The following GALNT10 variants were observed in gnomAD, a reference collection of about 807,000 sequenced individuals.
GALNT10 encodes the protein polypeptide N-acetylgalactosaminyltransferase 10, also known as GalNAc transferase 10.
GALNT10 carries 41 observed loss-of-function variants against 75.0 expected under a neutral mutation model. That is an observed-to-expected ratio of 0.55 (90% CI 0.43 to 0.71). The LOEUF (loss-of-function observed/expected upper bound fraction) is 0.71. Ranked by LOEUF, GALNT10 falls within the 30% of genes least tolerant of loss-of-function variation. The pLI, the probability that GALNT10 is intolerant of heterozygous loss-of-function variation, is 0.00. For missense variants in GALNT10, 727 were observed against 818.5 expected, an observed-to-expected ratio of 0.89 and a Z score of 1.36; for synonymous variants, 302 against 313.0, an observed-to-expected ratio of 0.96 and a Z score of 0.37.
At chr5:154,219,836 T>A (rs2351230) in intron 1 of GALNT10, among the ~76,000 whole-genome samples, 43,959 of 131,502 alleles carry the variant, frequency 0.33, 8,661 homozygotes, top group East Asian at 0.79. Context: ...TCTCTCTCTC[T>A]CTCACACACA....
At chr5:154,372,895 A>G (rs944390026) in intron 4 of GALNT10, among the ~76,000 whole-genome samples, 1 of 152,196 alleles carries the variant, frequency 6.6e-6, no homozygotes, top group African/African-American at 2.4e-5. Context: ...CACCTGTGTA[A>G]TGCCTTACAA....
rs1372712536 is a variant in GALNT10 at position 154,416,125 on chromosome 5, T to C, written c.1653+193T>C. 6.6e-6 allele frequency among the ~76,000 whole-genome samples: 1 copy of C among 152,212 alleles called. No individual in the cohort carries two copies. The highest frequency in any genetic ancestry group is 2.1e-4 in the South Asian group (1 of 4,828). ...CTGTGAAATCCTCAAGTCTTAAATG[T>C]TGGCAACTGATTCCATTTAAAAAGA... is the stretch of plus-strand genomic sequence containing the variant. On this transcript the variant is annotated intron_variant, in intron 11 of 11. Coordinates refer to ENST00000297107, the MANE Select transcript of GALNT10 (RefSeq NM_198321.4). This position sits in a 1 kb window ranked among gnomAD's most constrained non-coding sequence, Gnocchi z 4.5.
At chr5:154,238,296 T>TAA (rs35232140) in intron 1 of GALNT10, among the ~76,000 whole-genome samples, 14 of 145,340 alleles carry the variant, frequency 9.6e-5, no homozygotes, top group African/African-American at 3.3e-4. Flanking sequence ...TTTTAAATGT[T>TAA]AAAAAAAAAA....
intron 1 of GALNT10, among the ~76,000 whole-genome samples, chr5:154,263,090 A>C (rs1561644176): frequency 6.6e-6 from 1 of 152,218 alleles, no homozygotes; most frequent in Non-Finnish European, 1.5e-5. Flanking sequence ...CAGTCTGGCA[A>C]TTCCTTAAAA....
Position 154,374,025 on chromosome 5 carries a change from A to C in GALNT10, c.569-2252A>C, listed in dbSNP as rs528442236. ...CTATCAGTTGAACCCAGCCAAGAAGAAGCGGTGGTCACAAACAATGACTAT... is the reference window on the plus strand; with the variant it reads ...CTATCAGTTGAACCCAGCCAAGAAGCAGCGGTGGTCACAAACAATGACTAT... On this transcript the variant is annotated intron_variant, in intron 4 of 11. Coordinates refer to ENST00000297107, the MANE Select transcript of GALNT10 (RefSeq NM_198321.4). Among the ~76,000 whole-genome samples, 12 of 152,278 alleles carry C rather than the reference A, an allele frequency of 7.9e-5. No homozygotes were observed. The East Asian group carries it at 1.9e-3, about 25-fold the overall frequency.
At chr5:154,414,229 A>G (rs1490424131) in intron 10 of GALNT10, among the ~76,000 whole-genome samples, 1 of 152,200 alleles carries the variant, frequency 6.6e-6, no homozygotes, top group Non-Finnish European at 1.5e-5. Context: ...TAGAAAGTTG[A>G]CCATTGAACC....
In GALNT10 at chr5:154,361,802, A is replaced by G. The variant is rs141370074; in HGVS notation, c.569-14475A>G. Reference sequence around the variant, plus strand: ...ATGAGCACCTATTAATATGACTTGTATAATTTCTTAATGCCCCCCAGAGGA... The same window carrying G: ...ATGAGCACCTATTAATATGACTTGTGTAATTTCTTAATGCCCCCCAGAGGA... On this transcript the variant is annotated intron_variant, in intron 4 of 11. Transcript: ENST00000297107. Among the ~76,000 whole-genome samples the G allele has an allele frequency of 6.8e-3, 1,032 of 152,362 alleles. 8 individuals carry two copies. The highest frequency in any genetic ancestry group is 0.023 in the African/African-American group (971 of 41,586).
intron 7 of GALNT10, chr5:154,387,691 TTAAG>T (rs1561679063): frequency 2.0e-5 from 3 of 152,118 alleles, no homozygotes; most frequent in South Asian, 2.1e-4. Flanking sequence ...GTTGAGAGGA[TTAAG>T]TGAGACCATG....
chr5:154,233,521 A>C (rs1753197401), intron 1 of GALNT10, among the ~76,000 whole-genome samples: 1 of 152,156 alleles, frequency 6.6e-6, no homozygotes, highest in African/African-American at 2.4e-5. Context: ...CTGGCTTCTG[A>C]AAAGAGACCA....
intron 4 of GALNT10, among the ~76,000 whole-genome samples, chr5:154,345,904 C>T (rs115418203): frequency 1.5e-3 from 224 of 151,268 alleles, no homozygotes; most frequent in African/African-American, 5.1e-3. Context: ...CTCAGCCACC[C>T]AAAGTGCCTG....
intron 1 of GALNT10, among the ~76,000 whole-genome samples, chr5:154,204,464 C>G (rs1775075212): frequency 6.6e-6 from 1 of 152,172 alleles, no homozygotes; most frequent in Admixed American, 6.5e-5. Context: ...TGCCTCTTTC[C>G]TAAAACTCTT....
At chr5:154,321,600 A>G (rs564034636) in intron 3 of GALNT10, among the ~76,000 whole-genome samples, 2 of 152,158 alleles carry the variant, frequency 1.3e-5, no homozygotes, top group African/African-American at 4.8e-5. Flanking sequence ...TTGCGATTAC[A>G]GGTGTGAGCC....
intron 1 of GALNT10, among the ~76,000 whole-genome samples, chr5:154,199,028 T>C (rs1774986252): frequency 6.6e-6 from 1 of 152,248 alleles, no homozygotes; most frequent in Non-Finnish European, 1.5e-5. Flanking sequence ...ACCTCTCTCT[T>C]GGTCACTCTT....
chr5:154,218,402 C>T (rs921313919), intron 1 of GALNT10, among the ~76,000 whole-genome samples: 4 of 152,156 alleles, frequency 2.6e-5, no homozygotes, highest in Admixed American at 2.0e-4. Context: ...TGTGCTGTTT[C>T]CAGCTCTCCC....
At chr5:154,344,004 G>A (rs1051567987) in intron 4 of GALNT10, among the ~76,000 whole-genome samples, 4 of 152,100 alleles carry the variant, frequency 2.6e-5, no homozygotes, top group African/African-American at 9.7e-5. Context: ...GCTCCTGTGT[G>A]TGTTTGTCCT....
At chr5:154,335,112 C>T (rs916520525) in intron 4 of GALNT10, among the ~76,000 whole-genome samples, 1 of 152,238 alleles carries the variant, frequency 6.6e-6, no homozygotes, top group African/African-American at 2.4e-5. Context: ...GGCCATTTCC[C>T]ACTTACAGTT....
chr5:154,236,649 T>C (rs1753250894), intron 1 of GALNT10, among the ~76,000 whole-genome samples: 1 of 152,244 alleles, frequency 6.6e-6, no homozygotes, highest in Non-Finnish European at 1.5e-5. Flanking sequence ...GTCCACTTCT[T>C]GCTGCCATTT....
intron 1 of GALNT10, 116 bp downstream of exon 1, chr5:154,191,141 T>G: frequency 1.5e-6 from 1 of 668,474 alleles, no homozygotes; most frequent in Non-Finnish European, 2.2e-6. Flanking sequence ...TCCGAGACTC[T>G]TCAGCTCTTC....
chr5:154,404,285 G>A (rs1040309784), intron 8 of GALNT10, 74 bp downstream of exon 8: 1 of 750,246 alleles, frequency 1.3e-6, no homozygotes, highest in East Asian at 2.7e-5. Context: ...GCACCCTGGG[G>A]CCCTAGACTG....
Sources: gnomAD v4.1 joint callset for allele counts (sites outside exome capture counted in the v4.1 genomes callset) on GRCh38, gnomAD v4.1.1 for gene constraint, Gnocchi (gnomAD v3.1) non-coding constraint, MANE v1.5 for transcripts, NCBI Gene and HGNC (gene_info 2026-07-23, HGNC 2026-07-21) for gene names.